Variants in SMG6 observed in about 807,000 individuals in gnomAD.
SMG6 encodes the protein SMG6 nonsense mediated mRNA decay factor.
A neutral mutation model predicts 142.2 loss-of-function variants in SMG6; 66 were observed. That is an observed-to-expected ratio of 0.46 (90% CI 0.38 to 0.57). SMG6 has a LOEUF of 0.57. Ranked by LOEUF, SMG6 falls within the 20% of genes least tolerant of loss-of-function variation. SMG6 has a pLI of 0.00. For missense variants in SMG6, 1,793 were observed against 1,832.0 expected (o/e 0.98, Z 0.39); for synonymous variants, 779 against 702.4 (o/e 1.11, Z -1.72).
Position 2,300,506 on chromosome 17 carries a change from C to T in SMG6, c.247G>A (p.Asp83Asn), listed in dbSNP as rs1054048438. 3.1e-6 allele frequency: 5 copies of T among 1,614,168 alleles called. No homozygotes were observed. The highest frequency in any genetic ancestry group is 3.4e-6 in the Non-Finnish European group (4 of 1,180,006). ...GTACCATTTTCAACAGCAGAGCAAT[C>T]TCGGTCATTAACAATTTCATCTTTG... is the stretch of plus-strand genomic sequence containing the variant. Reference protein sequence around the residue: ...EFKDEIVNDRDCSAVENGTQP... With the variant: ...EFKDEIVNDRNCSAVENGTQP... Residue 83 changes from aspartate (D) to asparagine (N), a missense_variant, in exon 2 of 19, where the codon GAT (aspartate) becomes AAT (asparagine). Physicochemically the swap from Asp to Asn is conservative, Grantham distance 23. This residue lies in a region of SMG6 where 1,597 missense variants were observed against 1,584.6 expected (regional missense o/e 1.01). Transcript: ENST00000263073.
chr17:2,188,793 T>A (rs374910776), intron 10 of SMG6, among the ~76,000 whole-genome samples: 8 of 152,228 alleles, frequency 5.3e-5, no homozygotes, highest in African/African-American at 1.4e-4. Context: ...GAGCTGGAGC[T>A]GCATGGTCTC....
intron 8 of SMG6, among the ~76,000 whole-genome samples, chr17:2,272,123 G>T (rs1006173247): frequency 6.6e-6 from 1 of 152,172 alleles, no homozygotes; most frequent in Admixed American, 6.6e-5. Context: ...CTAGAATGTG[G>T]CTCTGGCAGA....
At chr17:2,155,814 G>A (rs1241802466) in intron 13 of SMG6, among the ~76,000 whole-genome samples, 1 of 152,162 alleles carries the variant, frequency 6.6e-6, no homozygotes, top group Non-Finnish European at 1.5e-5. Flanking sequence ...GGAGGAAGCT[G>A]CCATGTCTAC....
At chr17:2,183,814 G>C (rs1034395283) in intron 12 of SMG6, among the ~76,000 whole-genome samples, 3 of 151,358 alleles carry the variant, frequency 2.0e-5, no homozygotes, top group Non-Finnish European at 4.4e-5. Flanking sequence ...CGAAAGCAGA[G>C]GCAAAGAGAA....
At chr17:2,253,166 G>A (rs868827303) in intron 8 of SMG6, among the ~76,000 whole-genome samples, 3 of 122,870 alleles carry the variant, frequency 2.4e-5, no homozygotes, top group Middle Eastern at 4.5e-3. Flanking sequence ...TTTTGAGATG[G>A]AGTCTCGCTC....
chr17:2,170,358 G>A (rs914702901), intron 13 of SMG6, among the ~76,000 whole-genome samples: 1 of 152,192 alleles, frequency 6.6e-6, no homozygotes, highest in Admixed American at 6.5e-5. Context: ...AGAGTCTGAA[G>A]CTCGTTAGGA....
At chr17:2,123,296 T>G (rs1243111366) in intron 13 of SMG6, among the ~76,000 whole-genome samples, 1 of 152,166 alleles carries the variant, frequency 6.6e-6, no homozygotes, top group African/African-American at 2.4e-5. Flanking sequence ...AGGGGTGCTG[T>G]GTGCTGCACA....
chr17:2,124,044 C>A (rs544405191), intron 13 of SMG6, among the ~76,000 whole-genome samples: 1 of 152,172 alleles, frequency 6.6e-6, no homozygotes, highest in Non-Finnish European at 1.5e-5. Context: ...CAAGGCTCCA[C>A]CCAAATCAGA....
chr17:2,087,486 T>C, intron 13 of SMG6: 1 of 1,058,068 alleles, frequency 9.5e-7, no homozygotes, highest in African/African-American at 1.7e-5. Context: ...GTTACCATTA[T>C]AGGCTGGAAT....
chr17:2,085,939 C>T lies in SMG6; in HGVS notation c.3358-38G>A. ...AGGGAGAGAAGAAAAACAGCATTTT[C>T]TGAAAGGGAAGATGGAGACGAGATG... On this transcript the variant is annotated intron_variant, in intron 13 of 18. Transcript: ENST00000263073. This position sits in a 1 kb window ranked among gnomAD's most constrained non-coding sequence, Gnocchi z 4.1. 1 of 1,602,602 alleles carries T rather than the reference C, an allele frequency of 6.2e-7. No homozygotes were observed. Among genetic ancestry groups the T allele is most frequent in the South Asian group, 1.1e-5 (1 of 90,656 alleles).
chr17:2,299,583 C>T lies in SMG6; in HGVS notation c.1170G>A (p.Glu390=). 6.2e-7 allele frequency: 1 copy of T among 1,614,218 alleles called. No homozygotes were observed. The highest frequency in any genetic ancestry group is 1.3e-5 in the African/African-American group (1 of 75,058). Residue 390 remains glutamate (E), a synonymous_variant, in exon 2 of 19, where the codon GAG becomes GAA. Transcript: ENST00000263073. The surrounding 1 kb of genome is among the most constrained non-coding windows in gnomAD (Gnocchi z 4.3). Reference sequence around the variant, plus strand: ...GTTTCGGGTTTTTGGACTCCTGCTTCTCAGAGCCTTTGCCCCCACTGCTCA... The same window carrying T: ...GTTTCGGGTTTTTGGACTCCTGCTTTTCAGAGCCTTTGCCCCCACTGCTCA... ...KGLSSGGKGS[E]KQESKNPKQE...
intron 8 of SMG6, among the ~76,000 whole-genome samples, chr17:2,278,764 T>C (rs1291159699): frequency 6.6e-6 from 1 of 152,158 alleles, no homozygotes; most frequent in Non-Finnish European, 1.5e-5. Context: ...ATATCACATG[T>C]AGCCCATAAA....
At chr17:2,277,637 C>A (rs548917788) in intron 8 of SMG6, among the ~76,000 whole-genome samples, 4 of 152,228 alleles carry the variant, frequency 2.6e-5, no homozygotes, top group African/African-American at 9.6e-5. Context: ...CACAGCACAG[C>A]AATTTTTAGG....
chr17:2,255,228 C>T (rs1423761198), intron 8 of SMG6, among the ~76,000 whole-genome samples: 1 of 151,056 alleles, frequency 6.6e-6, no homozygotes, highest in Non-Finnish European at 1.5e-5. Flanking sequence ...CACGGTGAAA[C>T]CCCGTCTCTA....
intron 5 of SMG6, 38 bp from the exon 6 acceptor site, chr17:2,292,668 G>A: frequency 6.2e-7 from 1 of 1,603,942 alleles, no homozygotes; most frequent in Non-Finnish European, 8.5e-7. Context: ...GCTAGTTCCA[G>A]ATTAGCTTTT....
chr17:2,224,281 G>A (rs1039282090), intron 10 of SMG6, among the ~76,000 whole-genome samples: 2 of 152,024 alleles, frequency 1.3e-5, no homozygotes, highest in Admixed American at 1.3e-4. Flanking sequence ...GGTCCCACAA[G>A]GCTACACCCC....
chr17:2,246,194 T>A (rs1014214747), intron 8 of SMG6, among the ~76,000 whole-genome samples: 4 of 152,154 alleles, frequency 2.6e-5, no homozygotes, highest in African/African-American at 4.8e-5. Flanking sequence ...AAAATTTCAA[T>A]TCAAATCCAA....
intron 13 of SMG6, among the ~76,000 whole-genome samples, chr17:2,097,160 C>CTTTTCT (rs746589423): frequency 2.8e-5 from 4 of 144,880 alleles, no homozygotes; most frequent in African/African-American, 1.0e-4. Flanking sequence ...CTTTTCTTTT[C>CTTTTCT]TTTTTTTTTT....
At chr17:2,088,962 C>G (rs915835305) in intron 13 of SMG6, among the ~76,000 whole-genome samples, 1 of 152,152 alleles carries the variant, frequency 6.6e-6, no homozygotes, top group Non-Finnish European at 1.5e-5. Context: ...AAAAGCAACA[C>G]AAGACAGTTT....
Sources: allele counts gnomAD v4.1 joint callset (sites outside exome capture counted in the v4.1 genomes callset), GRCh38; gene constraint gnomAD v4.1.1; regional missense constraint gnomAD v4.1.1; non-coding constraint Gnocchi (gnomAD v3.1); transcripts MANE v1.5; gene names NCBI Gene and HGNC (gene_info 2026-07-23, HGNC 2026-07-21).